The following GTF2F1 variants were observed in gnomAD, a reference collection of about 807,000 sequenced individuals.
The protein encoded by GTF2F1 is general transcription factor IIF subunit 1.
A neutral mutation model predicts 63.5 loss-of-function variants in GTF2F1; 39 were observed. The observed-to-expected ratio is 0.61, with a 90% confidence interval of 0.48 to 0.80. The LOEUF is 0.80. GTF2F1 is among the 30% of genes least tolerant of loss of function. The pLI, the probability that GTF2F1 is intolerant of heterozygous loss-of-function variation, is 0.00. For synonymous variants in GTF2F1, 287 were observed against 285.3 expected (o/e 1.01, Z -0.06); for missense variants, 657 against 718.3 (o/e 0.91, Z 0.97).
intron 4 of GTF2F1, among the ~76,000 whole-genome samples, chr19:6,388,022 C>T (rs1224965568): frequency 6.0e-5 from 9 of 150,096 alleles, no homozygotes; most frequent in African/African-American, 2.2e-4. Flanking sequence ...CTCCACCTCC[C>T]GGGTTCAAGC....
At position 6,384,213 on chromosome 19, in the gene GTF2F1, G is replaced by C. The variant is rs112817877; in HGVS notation, c.498-718C>G. 8.0e-3 allele frequency among the ~76,000 whole-genome samples: 1,218 copies of C among 152,016 alleles called. 9 individuals carry two copies. Among genetic ancestry groups the C allele is most frequent in the African/African-American group, 0.028 (1,175 of 41,464 alleles). ...TTGCTCAGGGAAGCTTTAAAAAACA[G>C]GACTGCAGGCCAGGTTGGGCGCGGT... is the stretch of plus-strand genomic sequence containing the variant. On this transcript the variant is annotated intron_variant, in intron 5 of 12. Transcript: ENST00000394456.
intron 1 of GTF2F1, 34 bp from the exon 2 acceptor site, chr19:6,392,937 C>T (rs2092006930): frequency 6.2e-7 from 1 of 1,614,004 alleles, no homozygotes; most frequent in South Asian, 1.1e-5. Flanking sequence ...TGAGGGGTCG[C>T]CGAGGTCGCC....
chr19:6,380,251 G>A lies in GTF2F1; in HGVS notation c.*30C>T, dbSNP rs1000029043. 4 of 1,575,086 alleles carry A rather than the reference G, an allele frequency of 2.5e-6. No homozygotes were observed. Among genetic ancestry groups the A allele is most frequent in the Non-Finnish European group, 3.5e-6 (4 of 1,144,590 alleles). ...AGGGGCAGTGAGAGCCTTAAGTTCT[G>A]GGGGGCAGAGCCATGTATTGGACCA... On this transcript the variant is annotated 3_prime_UTR_variant, in exon 13 of 13. Coordinates refer to ENST00000394456, the MANE Select transcript of GTF2F1 (RefSeq NM_002096.3). The surrounding 1 kb of genome is among the most constrained non-coding windows in gnomAD (Gnocchi z 5.3).
At position 6,392,984 on chromosome 19, in the gene GTF2F1, T is replaced by C. The variant is rs1442056148; in HGVS notation, c.12A>G (p.Leu4=). The change falls in exon 1 of 13, where the codon CTA becomes CTG. Residue 4 remains leucine (L), a splice_region_variant and synonymous_variant. Transcript: ENST00000394456. ...CGAACCCCGCCAAATCCACACTCAC[T>C]AGGGCCGCCATGGGCAATGGTCAGT... MAA[L]GPSSQNVTEY... is the part of the protein sequence containing the mutation. 2.5e-6 allele frequency: 4 copies of C among 1,614,072 alleles called. No homozygotes were observed. The highest frequency in any genetic ancestry group is 2.2e-5 in the East Asian group (1 of 44,872).
intron 4 of GTF2F1, 33 bp from the exon 5 acceptor site, chr19:6,387,592 AG>A: frequency 6.3e-7 from 1 of 1,594,878 alleles, no homozygotes; most frequent in Non-Finnish European, 8.6e-7. Context: ...CCTGGCCCAT[AG>A]GGACCAGCCC....
chr19:6,384,797 C>T (rs117785828), intron 5 of GTF2F1, among the ~76,000 whole-genome samples: 8,580 of 150,916 alleles, frequency 0.057, 333 homozygotes, highest in Non-Finnish European at 0.087. Context: ...CTTTTCTTTT[C>T]TTTTGAGTTG....
rs753079781 is a variant in GTF2F1, at chr19:6,387,490, G to A, written c.396C>T (p.Asp132=). 2.5e-6 allele frequency: 4 copies of A among 1,614,108 alleles called. No individual in the cohort carries two copies. The highest frequency in any genetic ancestry group is 1.7e-5 in the Admixed American group (1 of 60,030). ...TSYYIFTQCP[D]GAFEAFPVHN... is the part of the protein sequence containing the mutation. ...GCACGGGGAAGGCCTCGAAGGCCCC[G>A]TCGGGGCACTGGGTGAAGATGTAGT... The change falls in exon 5 of 13, where the codon GAC becomes GAT. Residue 132 remains aspartate (D), a synonymous_variant. Coordinates refer to ENST00000394456, the MANE Select transcript of GTF2F1 (RefSeq NM_002096.3).
In GTF2F1 at chr19:6,383,521, A is replaced by G. The variant is rs766865456; in HGVS notation, c.498-26T>C. ...CTGCGGGCCAGGCACAGGGGGGCTC[A>G]TGCCGGGCCTGGCACCACCCTGCAT... is the stretch of plus-strand genomic sequence containing the variant. On this transcript the variant is annotated intron_variant, in intron 5 of 12. Transcript: ENST00000394456. This position sits in a 1 kb window ranked among gnomAD's most constrained non-coding sequence, Gnocchi z 4.5. The G allele has an allele frequency of 2.5e-6, 4 of 1,606,294 alleles. No homozygotes were observed. Among genetic ancestry groups the G allele is most frequent in the Non-Finnish European group, 2.6e-6 (3 of 1,175,792 alleles).
Position 6,393,040 on chromosome 19 carries a change from TC to T in GTF2F1, c.-46del. 3.1e-6 allele frequency: 5 copies of T among 1,612,076 alleles called. No individual in the cohort carries two copies. The highest frequency in any genetic ancestry group is 4.2e-6 in the Non-Finnish European group (5 of 1,179,614). ...CGATCTGGTCCGACCCGGGTTCCTTTCGTCTCCTCTGGCGTGCGCGTCCCTC... is the reference window on the plus strand; with the variant it reads ...CGATCTGGTCCGACCCGGGTTCCTTTGTCTCCTCTGGCGTGCGCGTCCCTC... On this transcript the variant is annotated 5_prime_UTR_variant, in exon 1 of 13. Transcript: ENST00000394456.
chr19:6,387,502 G>C lies in GTF2F1; in HGVS notation c.384C>G (p.Thr128=). Reference sequence around the variant, plus strand: ...CCTCGAAGGCCCCGTCGGGGCACTGGGTGAAGATGTAGTAGGACGTGTTCT... The same window carrying C: ...CCTCGAAGGCCCCGTCGGGGCACTGCGTGAAGATGTAGTAGGACGTGTTCT... ...VTENTSYYIF[T]QCPDGAFEAF... Residue 128 remains threonine (T), a synonymous_variant, in exon 5 of 13, where the codon ACC becomes ACG. Transcript: ENST00000394456. 6.2e-7 allele frequency: 1 copy of C among 1,614,190 alleles called. No individual in the cohort carries two copies. Among genetic ancestry groups the C allele is most frequent in the Non-Finnish European group, 8.5e-7 (1 of 1,179,992 alleles).
intron 5 of GTF2F1, 80 bp downstream of exon 5, chr19:6,387,309 C>T: frequency 1.4e-6 from 2 of 1,390,668 alleles, no homozygotes; most frequent in South Asian, 1.3e-5. Context: ...CAGCTCCCAG[C>T]ACAGGGCCTG....
At chr19:6,387,261 C>T (rs1356109969) in intron 5 of GTF2F1, 128 bp downstream of exon 5, 15 of 828,772 alleles carry the variant, frequency 1.8e-5, no homozygotes, top group Non-Finnish European at 2.7e-5. Flanking sequence ...AGCTCTGAGA[C>T]GGCCGAGTGG....
chr19:6,381,384 G>A lies in GTF2F1; in HGVS notation c.993C>T (p.Thr331=), dbSNP rs758723307. The A allele has an allele frequency of 5.0e-6, 8 of 1,609,150 alleles. No individual in the cohort carries two copies. The highest frequency in any genetic ancestry group is 5.9e-6 in the Non-Finnish European group (7 of 1,178,316). The change falls in exon 9 of 13, where the codon ACC becomes ACT. Residue 331 remains threonine (T), a synonymous_variant. Coordinates refer to ENST00000394456, the MANE Select transcript of GTF2F1 (RefSeq NM_002096.3). This position sits in a 1 kb window ranked among gnomAD's most constrained non-coding sequence, Gnocchi z 4.1. Reference sequence around the variant, plus strand: ...CTTTCCTGCGCTTCTTCTCCTGCGGGGTGGGTGCCTTCTTCTCCTCCTCCT... The same window carrying A: ...CTTTCCTGCGCTTCTTCTCCTGCGGAGTGGGTGCCTTCTTCTCCTCCTCCT... The part of the protein sequence containing the change: ...KEEEEEKKAP[T]PQEKKRRKDS...
intron 5 of GTF2F1, among the ~76,000 whole-genome samples, chr19:6,386,358 A>G (rs1165102591): frequency 6.6e-6 from 1 of 152,050 alleles, no homozygotes. Flanking sequence ...ACTGCAGTCC[A>G]GCCTGGGCAA....
At chr19:6,386,522 T>C (rs2091974562) in intron 5 of GTF2F1, among the ~76,000 whole-genome samples, 1 of 152,140 alleles carries the variant, frequency 6.6e-6, no homozygotes, top group South Asian at 2.1e-4. Context: ...CTAGGATCAC[T>C]GCAAGCTCCG....
rs762139463 is a variant in GTF2F1 at position 6,389,671 on chromosome 19, C to T, written c.133-34G>A. ...GCAGGAAGCAAAGCCTCTCAGGGTC[C>T]CTGGCTTTGCTTGCGCAGTGCCCCC... On this transcript the variant is annotated intron_variant, in intron 3 of 12. Transcript: ENST00000394456. 1.2e-5 allele frequency: 19 copies of T among 1,597,950 alleles called. No homozygotes were observed. In the South Asian group the frequency reaches 2.1e-4, roughly 18 times the overall value.
Position 6,387,891 on chromosome 19 carries a change from A to G in GTF2F1, c.327-332T>C, listed in dbSNP as rs1290584278. On this transcript the variant is annotated intron_variant, in intron 4 of 12. Transcript: ENST00000394456. ...TGCTATCTGTGGGCCACACCCGGGAAACTGAGGAGCCAAGTGAGAAGATGG... is the reference window on the plus strand; with the variant it reads ...TGCTATCTGTGGGCCACACCCGGGAGACTGAGGAGCCAAGTGAGAAGATGG... 2.0e-5 allele frequency among the ~76,000 whole-genome samples: 3 copies of G among 150,570 alleles called. No individual in the cohort carries two copies. The East Asian group carries it at 5.8e-4, about 29-fold the overall frequency.
chr19:6,381,809 T>A lies in GTF2F1; in HGVS notation c.724A>T (p.Lys242Ter). The change falls in exon 7 of 13, where the codon AAG (lysine) becomes TAG (stop). Residue 242 changes from lysine to a stop codon, truncating the protein, a stop_gained. Transcript: ENST00000394456. LOFTEE classifies it high-confidence loss of function. The surrounding 1 kb of genome is among the most constrained non-coding windows in gnomAD (Gnocchi z 4.1). The part of the protein sequence containing the change: ...PKAKKKAPLA[K>*]GGRKKKKKKG... ...TTCTTCTTCTTTTTCCTGCCGCCCT[T>A]GGCCAGCGGCGCCTTCTTCTTGGCC... 1 of 1,613,768 alleles carries A rather than the reference T, an allele frequency of 6.2e-7. No homozygotes were observed. The highest frequency in any genetic ancestry group is 1.1e-5 in the South Asian group (1 of 91,076).
Position 6,389,589 on chromosome 19 carries a change from C to T in GTF2F1, c.181G>A (p.Glu61Lys), listed in dbSNP as rs545645483. 5.6e-6 allele frequency: 9 copies of T among 1,614,198 alleles called. No individual in the cohort carries two copies. Among genetic ancestry groups the T allele is most frequent in the Admixed American group, 1.7e-5 (1 of 60,036 alleles). Residue 61 changes from glutamate (E) to lysine (K), a missense_variant, in exon 4 of 13, where the codon GAG becomes AAG. By Grantham distance (56) the Glu-to-Lys change is moderately conservative (BLOSUM62 1). Around this residue, in one of 2 missense-constraint regions of GTF2F1, gnomAD observed 602 missense variants for 625.6 expected, o/e 0.96. Coordinates refer to ENST00000394456, the MANE Select transcript of GTF2F1 (RefSeq NM_002096.3). ...LSNKKIYQEE[E>K]MPESGAGSEF... ...CTGCCCGCGCCCGATTCGGGCATCTCCTCCTCTTGGTAGATTTTCTTGTTG... is the reference window on the plus strand; with the variant it reads ...CTGCCCGCGCCCGATTCGGGCATCTTCTCCTCTTGGTAGATTTTCTTGTTG...
Sources: gnomAD v4.1 joint callset for allele counts (sites outside exome capture counted in the v4.1 genomes callset) on GRCh38, gnomAD v4.1.1 for gene constraint, gnomAD v4.1.1 regional missense constraint, Gnocchi (gnomAD v3.1) non-coding constraint, MANE v1.5 for transcripts, NCBI Gene and HGNC (gene_info 2026-07-23, HGNC 2026-07-21) for gene names.